The following TMEM135 variants were observed in gnomAD, a reference collection of about 807,000 sequenced individuals.
TMEM135 encodes transmembrane protein 135.
Under a neutral mutation model 60.3 loss-of-function variants are expected in TMEM135, and 30 were observed. That is an observed-to-expected ratio of 0.50 (90% CI 0.37 to 0.68). The LOEUF (loss-of-function observed/expected upper bound fraction) is 0.68. Among genes scored for constraint, TMEM135 ranks in the 30% least tolerant of loss-of-function variants. TMEM135 has a pLI of 0.00. For missense variants in TMEM135, 468 were observed against 548.8 expected (o/e 0.85, Z 1.47); for synonymous variants, 190 against 186.7 (o/e 1.02, Z -0.14).
At chr11:87,246,194 G>T (rs1465405035) in intron 6 of TMEM135, among the ~76,000 whole-genome samples, 1 of 144,904 alleles carries the variant, frequency 6.9e-6, no homozygotes, top group Non-Finnish European at 1.5e-5. Context: ...CTGTCTTCTG[G>T]CTTGTAGAGT....
intron 6 of TMEM135, among the ~76,000 whole-genome samples, chr11:87,283,058 C>T (rs574575742): frequency 6.6e-6 from 1 of 152,090 alleles, no homozygotes; most frequent in African/African-American, 2.4e-5. Flanking sequence ...TAGCTTCTGG[C>T]CAGATGCAGT....
intron 5 of TMEM135, among the ~76,000 whole-genome samples, chr11:87,188,633 G>A (rs1178067972): frequency 4.6e-5 from 7 of 151,922 alleles, no homozygotes; most frequent in Admixed American, 3.9e-4. Context: ...GAAGCCAGTA[G>A]GTGGAGGTTG....
intron 5 of TMEM135, among the ~76,000 whole-genome samples, chr11:87,221,856 A>G (rs2135354741): frequency 6.6e-6 from 1 of 152,332 alleles, no homozygotes; most frequent in Non-Finnish European, 1.5e-5. Context: ...TGGATATTGA[A>G]CAAAGTTGGC....
At chr11:87,089,062 A>G (rs1015703629) in intron 3 of TMEM135, among the ~76,000 whole-genome samples, 1 of 152,216 alleles carries the variant, frequency 6.6e-6, no homozygotes, top group Non-Finnish European at 1.5e-5. Context: ...GTTTTTGCCA[A>G]GTATAAGGTG....
intron 6 of TMEM135, among the ~76,000 whole-genome samples, chr11:87,269,077 T>A (rs1941809216): frequency 6.6e-6 from 1 of 151,708 alleles, no homozygotes; most frequent in Non-Finnish European, 1.5e-5. Flanking sequence ...TTTTTTTTTT[T>A]GAAATACGCA....
intron 3 of TMEM135, among the ~76,000 whole-genome samples, chr11:87,076,255 T>A (rs911779950): frequency 1.3e-5 from 2 of 152,160 alleles, no homozygotes; most frequent in African/African-American, 4.8e-5. Flanking sequence ...CAATATAAAG[T>A]CCTTCCCACT....
intron 4 of TMEM135, among the ~76,000 whole-genome samples, chr11:87,147,087 C>T (rs1028226396): frequency 2.0e-5 from 3 of 152,130 alleles, no homozygotes; most frequent in East Asian, 1.9e-4. Flanking sequence ...TCTGGGAAGC[C>T]GAGACAGGGG....
chr11:87,107,951 A>G (rs892845041), intron 4 of TMEM135, among the ~76,000 whole-genome samples: 10 of 152,310 alleles, frequency 6.6e-5, no homozygotes, highest in African/African-American at 2.2e-4. Context: ...AATGATGGCC[A>G]TTCTAACTGG....
chr11:87,106,275 T>C (rs747684522), intron 4 of TMEM135, among the ~76,000 whole-genome samples: 5 of 152,080 alleles, frequency 3.3e-5, no homozygotes, highest in Admixed American at 2.0e-4. Context: ...GACTACTTTT[T>C]GTATTTTTAG....
chr11:87,256,272 TA>T lies in TMEM135; in HGVS notation c.509+19589del, dbSNP rs369476611. Among the ~76,000 whole-genome samples the T allele has an allele frequency of 7.2e-4, 110 of 152,328 alleles. 1 individual carries two copies. The highest frequency in any genetic ancestry group is 2.4e-3 in the African/African-American group (100 of 41,578). On this transcript the variant is annotated intron_variant, in intron 6 of 14. Transcript: ENST00000305494. ...CATACCTTTATACCTCAGTTTTAATTACAACTAATTCCACCTCATTTAGGCT... is the reference window on the plus strand; with the variant it reads ...CATACCTTTATACCTCAGTTTTAATTCAACTAATTCCACCTCATTTAGGCT...
intron 4 of TMEM135, 61 bp from the exon 5 acceptor site, chr11:87,157,280 A>G: frequency 7.0e-7 from 1 of 1,436,376 alleles, no homozygotes; most frequent in Non-Finnish European, 9.8e-7. Flanking sequence ...GGTGTGGGAT[A>G]TACAATTGAG....
rs1942828327 is a variant in TMEM135, at chr11:87,321,873, G to C, written c.*540G>C. On this transcript the variant is annotated 3_prime_UTR_variant, in exon 15 of 15. Transcript: ENST00000305494. ...GCTTTCGTGTAGAGCAATTTAATTG[G>C]AGAAGTGGCCATTCTTACTTCAGGG... The C allele has an allele frequency of 2.2e-6, 1 of 454,188 alleles. No homozygotes were observed. Among genetic ancestry groups the C allele is most frequent in the Admixed American group, 2.4e-5 (1 of 42,496 alleles). 28.1% of individuals were successfully genotyped at this position (454,188 alleles called of 1,614,324 possible). A position where few individuals can be genotyped will look rare whatever the true frequency, so the allele number is the denominator to read the frequency against.
chr11:87,252,787 T>TGA (rs1941444802), intron 6 of TMEM135, among the ~76,000 whole-genome samples: 1 of 95,854 alleles, frequency 1.0e-5, no homozygotes, highest in African/African-American at 5.0e-5. Flanking sequence ...AAAAAAAAAA[T>TGA]TAAAATATAT....
chr11:87,221,396 CTATT>C (rs1258992447), intron 5 of TMEM135, among the ~76,000 whole-genome samples: 1 of 152,130 alleles, frequency 6.6e-6, no homozygotes, highest in Non-Finnish European at 1.5e-5. Context: ...GCACGTAAAC[CTATT>C]TATTTATACA....
In TMEM135 at chr11:87,322,260, G is replaced by A. The variant is rs755225024; in HGVS notation, c.*927G>A. 1.3e-5 allele frequency: 6 copies of A among 454,174 alleles called. No homozygotes were observed. The highest frequency in any genetic ancestry group is 2.2e-5 in the Non-Finnish European group (5 of 226,768). 28.1% of individuals were successfully genotyped at this position (454,174 alleles called of 1,614,324 possible). A position where few individuals can be genotyped will look rare whatever the true frequency, so the allele number is the denominator to read the frequency against. On this transcript the variant is annotated 3_prime_UTR_variant, in exon 15 of 15. Coordinates refer to ENST00000305494, the MANE Select transcript of TMEM135 (RefSeq NM_022918.4). ...CTATGGAACAAAGTAGTCTTGGCAA[G>A]TTGGCAGTTTGTGTCCTCTCAGCTG...
rs528112764 is a variant in TMEM135 at position 87,248,866 on chromosome 11, A to C, written c.509+12182A>C. Reference sequence around the variant, plus strand: ...TTCCTAGGTATTTAATTGTATTTGTAGCTATTGTAAATGGGATTACTTTCT... The same window carrying C: ...TTCCTAGGTATTTAATTGTATTTGTCGCTATTGTAAATGGGATTACTTTCT... On this transcript the variant is annotated intron_variant, in intron 6 of 14. Transcript: ENST00000305494. Among the ~76,000 whole-genome samples the C allele has an allele frequency of 7.2e-5, 11 of 152,150 alleles. No homozygotes were observed. The East Asian group carries it at 2.1e-3, about 29-fold the overall frequency.
intron 5 of TMEM135, among the ~76,000 whole-genome samples, chr11:87,178,764 T>C (rs1420188914): frequency 6.6e-6 from 1 of 152,116 alleles, no homozygotes; most frequent in Non-Finnish European, 1.5e-5. Context: ...TCAGTACTTT[T>C]TTTTTCCCTT....
intron 6 of TMEM135, among the ~76,000 whole-genome samples, chr11:87,247,095 G>T (rs1489229625): frequency 6.6e-6 from 1 of 150,454 alleles, no homozygotes; most frequent in Admixed American, 6.6e-5. Flanking sequence ...CTGCAGGTCT[G>T]TTGGAGTTTG....
chr11:87,259,229 CG>C, intron 6 of TMEM135: 1 of 477,496 alleles, frequency 2.1e-6, no homozygotes, highest in Non-Finnish European at 3.9e-6. Flanking sequence ...GCAATTCCTC[CG>C]GGGATAGGGG....
Sources: allele counts gnomAD v4.1 joint callset (sites outside exome capture counted in the v4.1 genomes callset), GRCh38; gene constraint gnomAD v4.1.1; transcripts MANE v1.5; gene names NCBI Gene and HGNC (gene_info 2026-07-23, HGNC 2026-07-21).